The following METTL22 variants were observed in gnomAD, a reference collection of about 807,000 sequenced individuals.
The protein encoded by METTL22 is methyltransferase-like protein 22.
A neutral mutation model predicts 48.4 loss-of-function variants in METTL22; 51 were observed. The observed-to-expected ratio is 1.05, with a 90% confidence interval of 0.84 to 1.33. The LOEUF (loss-of-function observed/expected upper bound fraction) is 1.33. Among genes scored for constraint, METTL22 ranks in the 40% most tolerant of loss-of-function variants. The pLI is 0.00. For missense variants in METTL22, 678 were observed against 526.9 expected, an observed-to-expected ratio of 1.29 and a Z score of -2.81; for synonymous variants, 255 against 214.1, an observed-to-expected ratio of 1.19 and a Z score of -1.67.
In METTL22 at chr16:8,642,212, G is replaced by A; in HGVS notation, c.907+5G>A. On this transcript the variant is annotated splice_donor_5th_base_variant and intron_variant, in intron 8 of 10. Coordinates refer to ENST00000381920, the MANE Select transcript of METTL22 (RefSeq NM_024109.4). The stretch of plus-strand genomic sequence containing the variant: ...CCATCCTGTTTGCAGCCGAAGGTAA[G>A]AAAATTTCTCCTTCGCCGTACACGT... 1.2e-6 allele frequency: 2 copies of A among 1,610,844 alleles called. No homozygotes were observed. Among genetic ancestry groups the A allele is most frequent in the East Asian group, 4.5e-5 (2 of 44,866 alleles).
At chr16:8,633,236 T>G (rs1332101178) in intron 3 of METTL22, among the ~76,000 whole-genome samples, 2 of 152,124 alleles carry the variant, frequency 1.3e-5, no homozygotes, top group African/African-American at 4.8e-5. Flanking sequence ...TGGGAGGCTC[T>G]GCCCCAGGCT....
chr16:8,656,405 C>T, the METTL22 span, among the ~76,000 whole-genome samples: 3 of 152,180 alleles, frequency 2.0e-5, no homozygotes, highest in South Asian at 2.1e-4. Flanking sequence ...CACAGACCTG[C>T]GTGAGTAGAC....
In METTL22 at chr16:8,644,630, C is replaced by T; in HGVS notation, c.1084C>T (p.Leu362=). 1 of 1,606,724 alleles carries T rather than the reference C, an allele frequency of 6.2e-7. No individual in the cohort carries two copies. Among genetic ancestry groups the T allele is most frequent in the Non-Finnish European group, 8.5e-7 (1 of 1,176,688 alleles). ...YDHFRSCLHA[L]EQLADGKLRF... The stretch of plus-strand genomic sequence containing the variant: ...TCACTTCCGCTCCTGCCTGCACGCG[C>T]TGGAGCAGCTCGCAGATGGCAAGCT... Residue 362 remains leucine (L), a synonymous_variant, in exon 10 of 11, where the codon CTG becomes TTG. Coordinates refer to ENST00000381920, the MANE Select transcript of METTL22 (RefSeq NM_024109.4).
chr16:8,659,038 G>T, the METTL22 span, among the ~76,000 whole-genome samples: 1 of 152,072 alleles, frequency 6.6e-6, no homozygotes, highest in Admixed American at 6.6e-5. Flanking sequence ...TTAAAACTTG[G>T]TGTGATAATC....
chr16:8,642,495 T>C lies in METTL22; in HGVS notation c.940T>C (p.Phe314Leu), dbSNP rs2056652645. Reference sequence around the variant, plus strand: ...CGACGACGACTTGACTGATGCTGTGTTTAAAACGCTCTCCCGACTCGCCCA... The same window carrying C: ...CGACGACGACTTGACTGATGCTGTGCTTAAAACGCTCTCCCGACTCGCCCA... ...FYDDDLTDAV[F>L]KTLSRLAHRL... Residue 314 changes from phenylalanine (F) to leucine (L), a missense_variant, in exon 9 of 11, where the codon TTT becomes CTT. Coordinates refer to ENST00000381920, the MANE Select transcript of METTL22 (RefSeq NM_024109.4). 6.2e-7 allele frequency: 1 copy of C among 1,614,112 alleles called. No individual in the cohort carries two copies. The highest frequency in any genetic ancestry group is 1.1e-5 in the South Asian group (1 of 91,086).
chr16:8,652,458 C>CA (rs3058559), downstream of METTL22, among the ~76,000 whole-genome samples: 19 of 46,164 alleles, frequency 4.1e-4, 1 homozygote, highest in African/African-American at 1.7e-3. Context: ...GACTCCGTCT[C>CA]AAAAAAAAAA....
rs971701023 is a variant in METTL22 at position 8,631,197 on chromosome 16, C to G, written c.514+2087C>G. ...TCAAGTTATAGACCCATTTGAGAAA[C>G]TGGTTTTTCTAAAGAAAAAGAAAAA... On this transcript the variant is annotated intron_variant, in intron 3 of 10. Coordinates refer to ENST00000381920, the MANE Select transcript of METTL22 (RefSeq NM_024109.4). The G allele has an allele frequency of 1.0e-3, 158 of 152,152 alleles. 1 individual carries two copies. Among genetic ancestry groups the G allele is most frequent in the Admixed American group, 0.01 (157 of 15,272 alleles). 9.4% of individuals were successfully genotyped at this position (152,152 alleles called of 1,614,324 possible). A position where few individuals can be genotyped will look rare whatever the true frequency, so the allele number is the denominator to read the frequency against.
chr16:8,645,633 ATG>A (rs2056763210), intron 10 of METTL22, among the ~76,000 whole-genome samples: 3 of 141,200 alleles, frequency 2.1e-5, no homozygotes, highest in South Asian at 2.3e-4. Context: ...AAAATTAGCC[ATG>A]CATGGTGGTG....
chr16:8,625,538 G>T lies in METTL22; in HGVS notation c.-128G>T. ...GCCAAGTCTCTGAGATCTTCTCCCA[G>T]GGCGATGCAAAGCTACTCGCTACCA... is the stretch of plus-strand genomic sequence containing the variant. On this transcript the variant is annotated 5_prime_UTR_variant, in exon 2 of 11. It adds an upstream start codon to the 5' untranslated region. Coordinates refer to ENST00000381920, the MANE Select transcript of METTL22 (RefSeq NM_024109.4). The T allele has an allele frequency of 1.3e-6, 1 of 743,686 alleles. No individual in the cohort carries two copies. Among genetic ancestry groups the T allele is most frequent in the Middle Eastern group, 3.8e-4 (1 of 2,618 alleles). The allele number at this position is 743,686 out of a possible 1,614,324, so 46.1% of individuals were successfully genotyped here. A position where few individuals can be genotyped will look rare whatever the true frequency, so the allele number is the denominator to read the frequency against.
At chr16:8,641,110 T>G in intron 6 of METTL22, 21 bp from the exon 7 acceptor site, 1 of 1,612,798 alleles carries the variant, frequency 6.2e-7, no homozygotes, top group African/African-American at 1.3e-5. Context: ...TGGAAAGTTC[T>G]CTTTTTGTTT....
chr16:8,644,009 G>A (rs891776420), intron 9 of METTL22, among the ~76,000 whole-genome samples: 1 of 152,226 alleles, frequency 6.6e-6, no homozygotes, highest in African/African-American at 2.4e-5. Flanking sequence ...AATTTCAAGT[G>A]AAACCATCTT....
In METTL22 at chr16:8,646,227, C is replaced by A; in HGVS notation, c.*84C>A. On this transcript the variant is annotated 3_prime_UTR_variant, in exon 11 of 11. Coordinates refer to ENST00000381920, the MANE Select transcript of METTL22 (RefSeq NM_024109.4). ...ATCAGAAGCTCACCAAAGCAACATG[C>A]TTGAGATTTTGTCATTTTAAAAATA... The A allele has an allele frequency of 1.3e-6, 2 of 1,538,910 alleles. No individual in the cohort carries two copies. The highest frequency in any genetic ancestry group is 1.8e-6 in the Non-Finnish European group (2 of 1,114,190).
chr16:8,636,758 T>C (rs2056437294), intron 5 of METTL22, among the ~76,000 whole-genome samples: 1 of 152,158 alleles, frequency 6.6e-6, no homozygotes, highest in Non-Finnish European at 1.5e-5. Flanking sequence ...TACATTGCAA[T>C]GAACATCTTT....
chr16:8,648,805 TC>T lies in METTL22; in HGVS notation c.*2663del, dbSNP rs2056848458. ...CTGTCTCCAAAAAAGAAGAAAAGTA[TC>T]AAGCCTCAGCTCAGGACGTGATTCC... On this transcript the variant is annotated 3_prime_UTR_variant, in exon 11 of 11. Coordinates refer to ENST00000381920, the MANE Select transcript of METTL22 (RefSeq NM_024109.4). The T allele has an allele frequency of 2.6e-5, 4 of 152,158 alleles. No homozygotes were observed. The highest frequency in any genetic ancestry group is 2.6e-4 in the Admixed American group (4 of 15,272). The allele number at this position is 152,158 out of a possible 1,614,324, so 9.4% of individuals were successfully genotyped here.
chr16:8,657,532 C>T, the METTL22 span, among the ~76,000 whole-genome samples: 1 of 152,122 alleles, frequency 6.6e-6, no homozygotes, highest in Non-Finnish European at 1.5e-5. Context: ...CCCATAAAAC[C>T]AGGTTCCTTT....
At chr16:8,643,220 C>G (rs1048225098) in intron 9 of METTL22, among the ~76,000 whole-genome samples, 3 of 152,210 alleles carry the variant, frequency 2.0e-5, no homozygotes, top group Non-Finnish European at 4.4e-5. Context: ...GGGTTGTGTA[C>G]AAAGCTGTAT....
chr16:8,640,954 A>ATGGATGGG (rs1555475042), intron 6 of METTL22, among the ~76,000 whole-genome samples, 177 bp from the exon 7 acceptor site: 2 of 32,942 alleles, frequency 6.1e-5, no homozygotes, highest in Non-Finnish European at 1.2e-4. Flanking sequence ...GGGTGGGTGG[A>ATGGATGGG]TGGCTGGCTG....
the METTL22 span, among the ~76,000 whole-genome samples, chr16:8,657,867 A>T: frequency 7.1e-6 from 1 of 140,298 alleles, no homozygotes; most frequent in East Asian, 2.0e-4. Context: ...CCCAGGCTGG[A>T]GTTCAGTGGT....
At chr16:8,624,607 T>C (rs985199001) in intron 1 of METTL22, among the ~76,000 whole-genome samples, 1 of 152,036 alleles carries the variant, frequency 6.6e-6, no homozygotes, top group African/African-American at 2.4e-5. Flanking sequence ...GGCTCACGCC[T>C]GTAATCCCAG....
Sources: allele counts gnomAD v4.1 joint callset (sites outside exome capture counted in the v4.1 genomes callset), GRCh38; gene constraint gnomAD v4.1.1; transcripts MANE v1.5; gene names NCBI Gene and HGNC (gene_info 2026-07-23, HGNC 2026-07-21).